The following IGDCC4 variants were observed in gnomAD, a reference collection of about 807,000 sequenced individuals.
The protein encoded by IGDCC4 is immunoglobulin superfamily DCC subclass member 4.
In IGDCC4, 72 loss-of-function variants were observed where a neutral mutation model predicts 116.6. The ratio of observed to expected loss-of-function variants is 0.62; its 90% CI spans 0.51 to 0.75. The LOEUF (loss-of-function observed/expected upper bound fraction) is 0.75, where lower values mean the gene tolerates loss of function less well. Ranked by LOEUF, IGDCC4 falls within the 30% of genes least tolerant of loss-of-function variation. The pLI is 0.00. For synonymous variants in IGDCC4, 709 were observed against 719.9 expected, an observed-to-expected ratio of 0.98 and a Z score of 0.24; for missense variants, 1,501 against 1,662.4, an observed-to-expected ratio of 0.90 and a Z score of 1.69.
chr15:65,411,879 G>T lies in IGDCC4; in HGVS notation c.71-509C>A, dbSNP rs143670316. Among the ~76,000 whole-genome samples the T allele has an allele frequency of 1.3e-4, 20 of 152,314 alleles. No homozygotes were observed. In the East Asian group the frequency reaches 3.7e-3, roughly 28 times the overall value. On this transcript the variant is annotated intron_variant, in intron 1 of 19. Coordinates refer to ENST00000352385, the MANE Select transcript of IGDCC4 (RefSeq NM_020962.3). The stretch of plus-strand genomic sequence containing the variant: ...AATGAGTACAGGGTTTCTTTTGGGG[G>T]TGATGAAAATGTTCTAGAATTAGAT...
At chr15:65,420,634 C>T (rs2063181757) in intron 1 of IGDCC4, among the ~76,000 whole-genome samples, 1 of 152,148 alleles carries the variant, frequency 6.6e-6, no homozygotes, top group South Asian at 2.1e-4. Flanking sequence ...CTTCCCTCAC[C>T]TGCCCCCCAT....
chr15:65,395,275 C>G lies in IGDCC4; in HGVS notation c.1412-17G>C. On this transcript the variant is annotated splice_polypyrimidine_tract_variant and intron_variant, in intron 7 of 19. Transcript: ENST00000352385. ...TGTCCATGCCTGGTGACACGGGGGA[C>G]AAGGGGACTGTCATAGTGCCACCCC... is the stretch of plus-strand genomic sequence containing the variant. The G allele has an allele frequency of 6.2e-7, 1 of 1,600,496 alleles. No individual in the cohort carries two copies. Among genetic ancestry groups the G allele is most frequent in the Non-Finnish European group, 8.5e-7 (1 of 1,169,822 alleles).
chr15:65,383,597 A>T lies in IGDCC4; in HGVS notation c.*412T>A, dbSNP rs2091422026. ...TCTTTGTCAGACAGGCATTGGAGAC[A>T]CTCTCAGAGTGTGTAATAAAAGGCT... On this transcript the variant is annotated 3_prime_UTR_variant, in exon 20 of 20. Transcript: ENST00000352385. 1.2e-5 allele frequency: 2 copies of T among 160,116 alleles called. No homozygotes were observed. The highest frequency in any genetic ancestry group is 4.8e-5 in the African/African-American group (2 of 41,738). The allele number at this position is 160,116 out of a possible 1,614,324, so 9.9% of individuals were successfully genotyped here.
rs868202699 is a variant in IGDCC4, at chr15:65,402,488, C to A, written c.564-1G>T. 6.4e-7 allele frequency: 1 copy of A among 1,566,502 alleles called. No homozygotes were observed. The highest frequency in any genetic ancestry group is 2.3e-5 in the East Asian group (1 of 43,050). The stretch of plus-strand genomic sequence containing the variant: ...GACGCCGTTGGGAAGCACGATGAGC[C>A]TTGGGAAGAGGGGAGCAGGCAACTG... On this transcript the variant is annotated splice_acceptor_variant, in intron 3 of 19. Coordinates refer to ENST00000352385, the MANE Select transcript of IGDCC4 (RefSeq NM_020962.3). LOFTEE classifies it high-confidence loss of function.
At chr15:65,418,856 A>G (rs1567096186) in intron 1 of IGDCC4, among the ~76,000 whole-genome samples, 1 of 152,084 alleles carries the variant, frequency 6.6e-6, no homozygotes, top group African/African-American at 2.4e-5. Flanking sequence ...TGGATTCCAG[A>G]GCCCAGATAG....
At chr15:65,422,203 G>A (rs2063198679) in intron 1 of IGDCC4, among the ~76,000 whole-genome samples, 1 of 151,938 alleles carries the variant, frequency 6.6e-6, no homozygotes, top group Non-Finnish European at 1.5e-5. Context: ...GGGCAAAGTT[G>A]AGTGTTGTTT....
chr15:65,406,295 A>G (rs1473462846), intron 3 of IGDCC4, among the ~76,000 whole-genome samples: 2 of 152,210 alleles, frequency 1.3e-5, no homozygotes, highest in East Asian at 3.8e-4. Flanking sequence ...CGAAAGAGCG[A>G]GTTGATGTAA....
At chr15:65,417,613 G>A (rs1315634608) in intron 1 of IGDCC4, among the ~76,000 whole-genome samples, 1 of 152,008 alleles carries the variant, frequency 6.6e-6, no homozygotes. Context: ...TTTTGCGGGG[G>A]GAGACGGAGT....
chr15:65,417,145 C>T (rs770104208), intron 1 of IGDCC4, among the ~76,000 whole-genome samples: 3 of 152,278 alleles, frequency 2.0e-5, no homozygotes, highest in African/African-American at 4.8e-5. Flanking sequence ...AAATTCTCCA[C>T]GACACCATCA....
intron 3 of IGDCC4, among the ~76,000 whole-genome samples, chr15:65,406,819 G>A (rs545209161): frequency 6.6e-6 from 1 of 152,160 alleles, no homozygotes; most frequent in Non-Finnish European, 1.5e-5. Context: ...TGGCAGCTCT[G>A]GCCTCCTGGG....
chr15:65,416,275 C>T (rs1191798134), intron 1 of IGDCC4, among the ~76,000 whole-genome samples: 2 of 150,286 alleles, frequency 1.3e-5, no homozygotes, highest in Non-Finnish European at 2.9e-5. Flanking sequence ...GTAGCTGGGA[C>T]TGCAGGCGCC....
chr15:65,396,354 C>T, intron 6 of IGDCC4, 191 bp from the exon 7 acceptor site: 1 of 719,406 alleles, frequency 1.4e-6, no homozygotes, highest in Non-Finnish European at 2.5e-6. Flanking sequence ...CCCCATTTAC[C>T]CCAGCCCCAC....
intron 4 of IGDCC4, 143 bp downstream of exon 4, chr15:65,402,207 TG>T: frequency 1.0e-6 from 1 of 989,826 alleles, no homozygotes; most frequent in Non-Finnish European, 1.4e-6. Flanking sequence ...GTACCCTCTC[TG>T]GGCTTCATCG....
chr15:65,406,490 G>T (rs950051370), intron 3 of IGDCC4, among the ~76,000 whole-genome samples: 1 of 152,170 alleles, frequency 6.6e-6, no homozygotes, highest in Admixed American at 6.5e-5. Flanking sequence ...TTTGCCTTGG[G>T]GTCTAGTCTT....
In IGDCC4 at chr15:65,385,980, T is replaced by TGGGGGGGTG. The variant is rs771839118; in HGVS notation, c.3030_3031insCACCCCCCC (p.Pro1010_Ser1011insHisProPro). 1 of 953,708 alleles carries TGGGGGGGTG rather than the reference T, an allele frequency of 1.0e-6. No homozygotes were observed. Among genetic ancestry groups the TGGGGGGGTG allele is most frequent in the Non-Finnish European group, 1.4e-6 (1 of 737,214 alleles). 59.1% of individuals were successfully genotyped at this position (953,708 alleles called of 1,614,324 possible). On this transcript the variant is annotated inframe_insertion, in exon 18 of 20. Transcript: ENST00000352385. The stretch of plus-strand genomic sequence containing the variant: ...TCCAATTCATGGGCAGCTGGGGGGC[T>TGGGGGGGTG]GGGGGGGCCAAGCCGAGCTCTGGAG...
At position 65,393,456 on chromosome 15, in the gene IGDCC4, T is replaced by A. The variant is rs1176251021; in HGVS notation, c.1790A>T (p.Tyr597Phe). Reference sequence around the variant, plus strand: ...TGTACCAGCCGAAATCCGTACTCGATACACCTTGTTTGGCTGAAGCGAGTT... The same window carrying A: ...TGTACCAGCCGAAATCCGTACTCGAAACACCTTGTTTGGCTGAAGCGAGTT... ...MLNSLQPNKVYRVRISAGTAA... is the reference protein window; with the variant it reads ...MLNSLQPNKVFRVRISAGTAA... Residue 597 changes from tyrosine (Y) to phenylalanine (F), a missense_variant, in exon 10 of 20, where the codon TAT (tyrosine) becomes TTT (phenylalanine). This residue lies in a region of IGDCC4 where 898 missense variants were observed against 978.9 expected (regional missense o/e 0.92). Transcript: ENST00000352385. This position sits in a 1 kb window ranked among gnomAD's most constrained non-coding sequence, Gnocchi z 4.6. 1 of 1,613,772 alleles carries A rather than the reference T, an allele frequency of 6.2e-7. No homozygotes were observed. Among genetic ancestry groups the A allele is most frequent in the Middle Eastern group, 1.7e-4 (1 of 6,058 alleles).
intron 12 of IGDCC4, among the ~76,000 whole-genome samples, chr15:65,390,698 C>T (rs1221021962): frequency 2.6e-5 from 4 of 151,996 alleles, no homozygotes; most frequent in Non-Finnish European, 4.4e-5. Flanking sequence ...ATTCACTATT[C>T]TAATGATAGT....
rs577999972 is a variant in IGDCC4 at position 65,393,189 on chromosome 15, G to A, written c.1885+172C>T. On this transcript the variant is annotated intron_variant, in intron 10 of 19. Transcript: ENST00000352385. This position sits in a 1 kb window ranked among gnomAD's most constrained non-coding sequence, Gnocchi z 4.6. ...CACACAGCAAATCGAAGGGACACCA[G>A]ATCCCAGCCCTTCACCTCTGCACCT... is the stretch of plus-strand genomic sequence containing the variant. Among the ~76,000 whole-genome samples the A allele has an allele frequency of 6.6e-6, 1 of 152,122 alleles. No homozygotes were observed. The highest frequency in any genetic ancestry group is 6.5e-5 in the Admixed American group (1 of 15,274).
rs751204844 is a variant in IGDCC4 at position 65,385,014 on chromosome 15, C to A, written c.3282G>T (p.Leu1094=). 3.7e-6 allele frequency: 6 copies of A among 1,609,694 alleles called. No individual in the cohort carries two copies. The highest frequency in any genetic ancestry group is 2.5e-6 in the Non-Finnish European group (3 of 1,178,456). Reference sequence around the variant, plus strand: ...GCGTCTGCCCAGTTCCAGCAGGGGGCAGCAGGGCCCGGGTCAGAGCCGGCC... The same window carrying A: ...GCGTCTGCCCAGTTCCAGCAGGGGGAAGCAGGGCCCGGGTCAGAGCCGGCC... ...GPRPALTRAL[L]PPAGTGQTLL... Residue 1094 remains leucine (L), a synonymous_variant, in exon 19 of 20, where the codon CTG becomes CTT. Coordinates refer to ENST00000352385, the MANE Select transcript of IGDCC4 (RefSeq NM_020962.3).
Sources: gnomAD v4.1 joint callset for allele counts (sites outside exome capture counted in the v4.1 genomes callset) on GRCh38, gnomAD v4.1.1 for gene constraint, gnomAD v4.1.1 regional missense constraint, Gnocchi (gnomAD v3.1) non-coding constraint, MANE v1.5 for transcripts, NCBI Gene and HGNC (gene_info 2026-07-23, HGNC 2026-07-21) for gene names.